LARP4B: variants seen among roughly 807,000 people sequenced by gnomAD.
LARP4B encodes the protein la-related protein 4B.
Under a neutral mutation model 89.8 loss-of-function variants are expected in LARP4B, and 12 were observed. The ratio of observed to expected loss-of-function variants is 0.13; its 90% CI spans 0.09 to 0.22. LARP4B has a LOEUF of 0.22. Among genes scored for constraint, LARP4B ranks in the 10% least tolerant of loss-of-function variants. LARP4B has a pLI of 1.00. For missense variants in LARP4B, 757 were observed against 947.7 expected, an observed-to-expected ratio of 0.80 and a Z score of 2.64; for synonymous variants, 367 against 363.3, an observed-to-expected ratio of 1.01 and a Z score of -0.12.
At chr10:908,885 G>C (rs1205526776) in intron 1 of LARP4B, among the ~76,000 whole-genome samples, 1 of 152,204 alleles carries the variant, frequency 6.6e-6, no homozygotes, top group African/African-American at 2.4e-5. Flanking sequence ...TTGCCAGGTG[G>C]TGAGGGGCCG....
chr10:935,013 T>G (rs999701566), upstream of LARP4B, among the ~76,000 whole-genome samples: 1 of 152,220 alleles, frequency 6.6e-6, no homozygotes, highest in African/African-American at 2.4e-5. Flanking sequence ...AAAGTCCAAG[T>G]TCTCCTGTGG....
At chr10:844,425 C>T (rs1167208188) in intron 6 of LARP4B, among the ~76,000 whole-genome samples, 1 of 152,218 alleles carries the variant, frequency 6.6e-6, no homozygotes, top group Non-Finnish European at 1.5e-5. Flanking sequence ...ATCCTCAGGG[C>T]TCCAGAGAAA....
intron 1 of LARP4B, among the ~76,000 whole-genome samples, chr10:924,214 C>T (rs961690087): frequency 6.6e-6 from 1 of 152,080 alleles, no homozygotes; most frequent in Non-Finnish European, 1.5e-5. Flanking sequence ...GGACTCCAGC[C>T]TGGGTGACAC....
At chr10:893,102 C>T (rs1355432732) in intron 1 of LARP4B, among the ~76,000 whole-genome samples, 4 of 148,128 alleles carry the variant, frequency 2.7e-5, no homozygotes, top group African/African-American at 5.0e-5. Context: ...CCAGTAGAGA[C>T]GGGATTTTGT....
At chr10:891,814 C>T (rs761875379) in intron 1 of LARP4B, among the ~76,000 whole-genome samples, 30 of 152,168 alleles carry the variant, frequency 2.0e-4, no homozygotes, top group Non-Finnish European at 4.3e-4. Flanking sequence ...AGTTTTCCAA[C>T]AGAAGGGATT....
At chr10:902,638 C>CTTTTTTTTTTT (rs537413514) in intron 1 of LARP4B, among the ~76,000 whole-genome samples, 1 of 140,240 alleles carries the variant, frequency 7.1e-6, no homozygotes. Context: ...AACATAAAAT[C>CTTTTTTTTTTT]TTTTTTTTTT....
chr10:815,212 G>A (rs927611001), intron 15 of LARP4B, 142 bp from the exon 16 acceptor site: 4 of 938,694 alleles, frequency 4.3e-6, no homozygotes, highest in Non-Finnish European at 6.0e-6. Context: ...CAGCAAAAAT[G>A]TCACAGAGCC....
chr10:912,791 T>C (rs926367892), intron 1 of LARP4B, among the ~76,000 whole-genome samples: 2 of 150,814 alleles, frequency 1.3e-5, no homozygotes, highest in African/African-American at 4.9e-5. Context: ...TCGGGAGGCA[T>C]CACTTGAGCC....
At chr10:982,458 G>A in the LARP4B span, among the ~76,000 whole-genome samples, 1 of 151,944 alleles carries the variant, frequency 6.6e-6, no homozygotes, top group African/African-American at 2.4e-5. Context: ...TGGCAGAGTG[G>A]GCCAGTCAAG....
chr10:825,928 T>G, intron 11 of LARP4B, 58 bp from the exon 12 acceptor site: 1 of 1,096,952 alleles, frequency 9.1e-7, no homozygotes, highest in South Asian at 1.3e-5. Flanking sequence ...TCAATTTCAT[T>G]AATACCAACA....
At chr10:955,626 G>A in the LARP4B span, among the ~76,000 whole-genome samples, 5 of 152,078 alleles carry the variant, frequency 3.3e-5, no homozygotes, top group African/African-American at 1.2e-4. The surrounding 1 kb of genome is among the most constrained non-coding windows in gnomAD (Gnocchi z 5.2). Context: ...TGCCCAGGAC[G>A]GGGAGTTTAC....
the LARP4B span, among the ~76,000 whole-genome samples, chr10:954,440 A>G: frequency 7.0e-3 from 1,073 of 152,202 alleles, 15 homozygotes; most frequent in African/African-American, 0.024. The surrounding 1 kb of genome is among the most constrained non-coding windows in gnomAD (Gnocchi z 5.0). Flanking sequence ...AATGTGATGG[A>G]AAGACGGGGG....
chr10:833,917 T>C (rs1423955135), intron 8 of LARP4B, among the ~76,000 whole-genome samples: 1 of 150,926 alleles, frequency 6.6e-6, no homozygotes, highest in Non-Finnish European at 1.5e-5. Flanking sequence ...ACAGAAATTT[T>C]CAGATTGGAT....
intron 1 of LARP4B, among the ~76,000 whole-genome samples, chr10:921,821 T>C (rs1242730886): frequency 1.3e-5 from 2 of 152,206 alleles, no homozygotes; most frequent in Non-Finnish European, 1.5e-5. Context: ...GAGATTAAAT[T>C]CATCGGTGTG....
the LARP4B span, among the ~76,000 whole-genome samples, chr10:960,167 C>T: frequency 6.6e-6 from 1 of 152,044 alleles, no homozygotes; most frequent in Non-Finnish European, 1.5e-5. Context: ...AACGACAGAA[C>T]GTTTTGGAAA....
the LARP4B span, among the ~76,000 whole-genome samples, chr10:968,545 C>T: frequency 3.4e-5 from 5 of 147,560 alleles, no homozygotes; most frequent in African/African-American, 8.1e-5. Context: ...AATGAGGGTC[C>T]TCTAATCTAA....
chr10:977,897 G>A, the LARP4B span, among the ~76,000 whole-genome samples: 9 of 152,120 alleles, frequency 5.9e-5, no homozygotes, highest in South Asian at 2.1e-4. Flanking sequence ...AGGCAAGGGT[G>A]GACTGAGGTC....
chr10:975,083 A>G, the LARP4B span, among the ~76,000 whole-genome samples: 1 of 152,274 alleles, frequency 6.6e-6, no homozygotes, highest in African/African-American at 2.4e-5. Context: ...ACCAGCACAC[A>G]GAAATGCCTG....
At chr10:876,893 C>T (rs1835476208) in intron 3 of LARP4B, among the ~76,000 whole-genome samples, 1 of 152,166 alleles carries the variant, frequency 6.6e-6, no homozygotes, top group African/African-American at 2.4e-5. Flanking sequence ...GGCTGCCCCA[C>T]AGCTCTAGCA....
Sources: gnomAD v4.1 joint callset for allele counts (sites outside exome capture counted in the v4.1 genomes callset) on GRCh38, gnomAD v4.1.1 for gene constraint, Gnocchi (gnomAD v3.1) non-coding constraint, MANE v1.5 for transcripts, NCBI Gene and HGNC (gene_info 2026-07-23, HGNC 2026-07-21) for gene names.